Variants in STARD13 observed in about 807,000 individuals in gnomAD.
The protein encoded by STARD13 is StAR related lipid transfer domain containing 13.
A neutral mutation model predicts 106.4 loss-of-function variants in STARD13; 62 were observed. That is an observed-to-expected ratio of 0.58 (90% CI 0.48 to 0.72). The LOEUF is 0.72. Among genes scored for constraint, STARD13 ranks in the 30% least tolerant of loss-of-function variants. The pLI, the probability that STARD13 is intolerant of heterozygous loss-of-function variation, is 0.00. For missense variants in STARD13, 1,387 were observed against 1,424.0 expected, an observed-to-expected ratio of 0.97 and a Z score of 0.42; for synonymous variants, 565 against 553.0, an observed-to-expected ratio of 1.02 and a Z score of -0.31.
chr13:33,619,927 G>GGTGGTGCACAGCTCACCTA, the STARD13 span, among the ~76,000 whole-genome samples: 2 of 152,058 alleles, frequency 1.3e-5, no homozygotes, highest in African/African-American at 4.8e-5. Context: ...AGCTGGGCGT[G>GGTGGTGCACAGCTCACCTA]GTGGTGCACA....
chr13:33,176,418 T>C (rs1884527947), intron 1 of STARD13, among the ~76,000 whole-genome samples: 1 of 152,192 alleles, frequency 6.6e-6, no homozygotes, highest in Non-Finnish European at 1.5e-5. Flanking sequence ...TAAACATGCA[T>C]CACTCATTCC....
At chr13:33,380,505 A>T in the STARD13 span, among the ~76,000 whole-genome samples, 1 of 121,820 alleles carries the variant, frequency 8.2e-6, no homozygotes, top group South Asian at 3.0e-4. Flanking sequence ...ATTCAAGTTC[A>T]TCCAGTTGGT....
the STARD13 span, among the ~76,000 whole-genome samples, chr13:33,444,091 T>C: frequency 6.6e-6 from 1 of 152,086 alleles, no homozygotes; most frequent in Non-Finnish European, 1.5e-5. Context: ...TTCACTGATG[T>C]CAGTATAGTT....
At chr13:33,601,127 C>A in the STARD13 span, among the ~76,000 whole-genome samples, 1 of 152,016 alleles carries the variant, frequency 6.6e-6, no homozygotes, top group Non-Finnish European at 1.5e-5. Context: ...AACATGGTCG[C>A]CCTATGATCA....
At chr13:33,223,660 A>T (rs573623570) in intron 1 of STARD13, among the ~76,000 whole-genome samples, 7 of 149,410 alleles carry the variant, frequency 4.7e-5, no homozygotes, top group East Asian at 3.9e-4. Context: ...ACTCCATCTC[A>T]ATATATATAT....
the STARD13 span, among the ~76,000 whole-genome samples, chr13:33,608,529 A>G: frequency 6.6e-6 from 1 of 152,224 alleles, no homozygotes; most frequent in African/African-American, 2.4e-5. Context: ...TCAGAGATAG[A>G]AAAGTAAATC....
chr13:33,326,960 A>C (rs1474839031), intron 1 of STARD13, among the ~76,000 whole-genome samples: 1 of 152,124 alleles, frequency 6.6e-6, no homozygotes, highest in African/African-American at 2.4e-5. Flanking sequence ...GCCTGTGTGA[A>C]CTGTGGTTGT....
rs143159977 is a variant in STARD13 at position 33,108,336 on chromosome 13, C to A, written c.3048-1402G>T. The stretch of plus-strand genomic sequence containing the variant: ...ATAAGGAATTCCTGTTGTTGGGAAC[C>A]AGATCTGGTTCATTGTTAGCCCGTG... On this transcript the variant is annotated intron_variant, in intron 12 of 13. Coordinates refer to ENST00000336934, the MANE Select transcript of STARD13 (RefSeq NM_178006.4). Among the ~76,000 whole-genome samples, 10 of 152,292 alleles carry A rather than the reference C, an allele frequency of 6.6e-5. No homozygotes were observed. In the East Asian group the frequency reaches 1.2e-3, roughly 18 times the overall value.
the STARD13 span, among the ~76,000 whole-genome samples, chr13:33,427,825 C>T: frequency 1.3e-5 from 2 of 151,966 alleles, no homozygotes; most frequent in African/African-American, 4.8e-5. Flanking sequence ...CGTGGTGATG[C>T]ATGCCTGTAA....
the STARD13 span, among the ~76,000 whole-genome samples, chr13:33,368,382 G>A: frequency 1.3e-5 from 2 of 152,182 alleles, no homozygotes; most frequent in Non-Finnish European, 2.9e-5. Context: ...CTATGTACCA[G>A]ACACTGTGTT....
At chr13:33,439,694 C>T in the STARD13 span, 3 of 1,269,046 alleles carry the variant, frequency 2.4e-6, no homozygotes, top group South Asian at 2.5e-5. Flanking sequence ...GACTTACCCA[C>T]TCTTTCTTTG....
At chr13:33,376,427 G>T in the STARD13 span, among the ~76,000 whole-genome samples, 1 of 152,112 alleles carries the variant, frequency 6.6e-6, no homozygotes, top group Non-Finnish European at 1.5e-5. Flanking sequence ...CAGGTTGAAG[G>T]TGCAAGAATT....
intron 1 of STARD13, among the ~76,000 whole-genome samples, chr13:33,190,743 C>T (rs538852934): frequency 1.2e-3 from 188 of 152,114 alleles, no homozygotes; most frequent in African/African-American, 3.9e-3. Context: ...CATACCACCA[C>T]GCCTGGCTAA....
At chr13:33,227,440 C>T (rs1427284905) in intron 1 of STARD13, among the ~76,000 whole-genome samples, 1 of 152,170 alleles carries the variant, frequency 6.6e-6, no homozygotes, top group Non-Finnish European at 1.5e-5. Flanking sequence ...TGGAAACTTC[C>T]TCTACAAATA....
intron 2 of STARD13, among the ~76,000 whole-genome samples, chr13:33,166,318 A>AT (rs562637399): frequency 4.0e-5 from 6 of 151,850 alleles, no homozygotes; most frequent in African/African-American, 9.7e-5. Flanking sequence ...GACACTTGTG[A>AT]TTTTTTTTCA....
intron 1 of STARD13, among the ~76,000 whole-genome samples, chr13:33,316,645 G>T (rs1010291582): frequency 6.6e-6 from 1 of 152,218 alleles, no homozygotes; most frequent in African/African-American, 2.4e-5. Context: ...CTCAAAGCTT[G>T]TGCTCTTTCC....
the STARD13 span, among the ~76,000 whole-genome samples, chr13:33,638,995 G>A: frequency 6.6e-6 from 1 of 151,208 alleles, no homozygotes. Flanking sequence ...CATTCTTTCC[G>A]CAGATATTTG....
intron 1 of STARD13, among the ~76,000 whole-genome samples, chr13:33,202,720 T>G (rs1302822743): frequency 6.6e-6 from 1 of 152,096 alleles, no homozygotes; most frequent in Non-Finnish European, 1.5e-5. Flanking sequence ...GAGGAGGATG[T>G]TGGCAAGTGG....
the STARD13 span, among the ~76,000 whole-genome samples, chr13:33,579,593 T>C: frequency 6.6e-6 from 1 of 151,340 alleles, no homozygotes; most frequent in African/African-American, 2.4e-5. Flanking sequence ...AATTTGCCTA[T>C]GTAACCAAAA....
Sources: gnomAD v4.1 joint callset for allele counts (sites outside exome capture counted in the v4.1 genomes callset) on GRCh38, gnomAD v4.1.1 for gene constraint, MANE v1.5 for transcripts, NCBI Gene and HGNC (gene_info 2026-07-23, HGNC 2026-07-21) for gene names.